Variants in VWC2 observed in about 807,000 individuals in gnomAD.
The protein encoded by VWC2 is brorin.
In VWC2, 14 loss-of-function variants were observed where a neutral mutation model predicts 29.8. The ratio of observed to expected loss-of-function variants is 0.47; its 90% CI spans 0.31 to 0.74. The LOEUF is 0.74. Ranked by LOEUF, VWC2 falls within the 30% of genes least tolerant of loss-of-function variation. VWC2 has a pLI of 0.05. For synonymous variants in VWC2, 213 were observed against 199.0 expected, an observed-to-expected ratio of 1.07 and a Z score of -0.59; for missense variants, 457 against 459.8, an observed-to-expected ratio of 0.99 and a Z score of 0.05.
chr7:49,827,380 C>A (rs542644823), intron 3 of VWC2, among the ~76,000 whole-genome samples: 53 of 16,184 alleles, frequency 3.3e-3, no homozygotes, highest in African/African-American at 0.01. Flanking sequence ...CATATTAATT[C>A]CAGGAAGTGC....
At chr7:49,839,949 G>A (rs1420122657) in intron 3 of VWC2, among the ~76,000 whole-genome samples, 1 of 152,200 alleles carries the variant, frequency 6.6e-6, no homozygotes, top group Non-Finnish European at 1.5e-5. Context: ...ATCAGATCAT[G>A]TTTTCCTAAA....
chr7:49,872,105 G>A (rs1791184793), intron 3 of VWC2, among the ~76,000 whole-genome samples: 1 of 152,062 alleles, frequency 6.6e-6, no homozygotes, highest in Non-Finnish European at 1.5e-5. Flanking sequence ...CTATGAAACA[G>A]AAACCTGTAG....
chr7:49,917,693 CTAAT>C lies in VWC2; in HGVS notation c.*5511_*5514del, dbSNP rs1231075001. ...AATATTTCTCAATTTTATTTGGTAT[CTAAT>C]TATATTAAGACCAACATATACATTA... On this transcript the variant is annotated 3_prime_UTR_variant, in exon 4 of 4. Transcript: ENST00000340652. 6.6e-6 allele frequency: 1 copy of C among 152,054 alleles called. No individual in the cohort carries two copies. Among genetic ancestry groups the C allele is most frequent in the Non-Finnish European group, 1.5e-5 (1 of 67,934 alleles). 9.4% of individuals were successfully genotyped at this position (152,054 alleles called of 1,614,324 possible).
chr7:49,854,430 T>C (rs1450595729), intron 3 of VWC2, among the ~76,000 whole-genome samples: 1 of 152,118 alleles, frequency 6.6e-6, no homozygotes, highest in Non-Finnish European at 1.5e-5. Flanking sequence ...TGGTATCTCA[T>C]TGTGGTTTTG....
At chr7:49,789,270 CGG>C (rs369799717) in intron 2 of VWC2, among the ~76,000 whole-genome samples, 10,320 of 117,680 alleles carry the variant, frequency 0.088, 1,061 homozygotes, top group African/African-American at 0.28. Context: ...TGTGTGTGAG[CGG>C]GTGTGTGTGA....
At chr7:49,829,241 G>C (rs1372945155) in intron 3 of VWC2, among the ~76,000 whole-genome samples, 1 of 152,176 alleles carries the variant, frequency 6.6e-6, no homozygotes, top group African/African-American at 2.4e-5. Flanking sequence ...TTTCTCTTTA[G>C]CAGTGCTTAG....
rs139778950 is a variant in VWC2 at position 49,914,851 on chromosome 7, G to T, written c.*2666G>T. ...GTTTGGAGATAGCACAGAAAAGGGG[G>T]CCTCAGAATTCAAGTATAGAAGTTC... is the stretch of plus-strand genomic sequence containing the variant. On this transcript the variant is annotated 3_prime_UTR_variant, in exon 4 of 4. Coordinates refer to ENST00000340652, the MANE Select transcript of VWC2 (RefSeq NM_198570.5). 8 of 152,212 alleles carry T rather than the reference G, an allele frequency of 5.3e-5. No individual in the cohort carries two copies. Among genetic ancestry groups the T allele is most frequent in the Non-Finnish European group, 1.2e-4 (8 of 67,998 alleles). The allele number at this position is 152,212 out of a possible 1,614,324, so 9.4% of individuals were successfully genotyped here. A position where few individuals can be genotyped will look rare whatever the true frequency, so the allele number is the denominator to read the frequency against.
intron 2 of VWC2, among the ~76,000 whole-genome samples, chr7:49,794,037 G>A (rs1788524598): frequency 6.6e-6 from 1 of 152,222 alleles, no homozygotes; most frequent in Non-Finnish European, 1.5e-5. Flanking sequence ...GGGCTAAGCA[G>A]AGCTGGCTGT....
intron 3 of VWC2, among the ~76,000 whole-genome samples, chr7:49,848,473 G>C (rs1790047107): frequency 6.6e-6 from 1 of 152,258 alleles, no homozygotes; most frequent in Non-Finnish European, 1.5e-5. Flanking sequence ...CACCTGCCCA[G>C]GGTCGGCTGT....
chr7:49,854,955 C>T (rs1790355009), intron 3 of VWC2, among the ~76,000 whole-genome samples: 1 of 152,154 alleles, frequency 6.6e-6, no homozygotes, highest in Non-Finnish European at 1.5e-5. Flanking sequence ...GAGGGGCTGA[C>T]AAATATGGCT....
chr7:49,859,788 GTGCACACACACACACACACACA>G (rs1790575771), intron 3 of VWC2, among the ~76,000 whole-genome samples: 2 of 148,404 alleles, frequency 1.3e-5, no homozygotes, highest in African/African-American at 5.0e-5. Flanking sequence ...GTGCGCGTGC[GTGCACACACACACACACACACA>G]CACACACACA....
At chr7:49,821,446 T>C (rs1350496703) in intron 3 of VWC2, among the ~76,000 whole-genome samples, 1 of 152,234 alleles carries the variant, frequency 6.6e-6, no homozygotes, top group African/African-American at 2.4e-5. Context: ...ATGAGAATTT[T>C]ACCCTAGATT....
At chr7:49,902,613 A>G (rs1043069226) in intron 3 of VWC2, among the ~76,000 whole-genome samples, 15 of 151,810 alleles carry the variant, frequency 9.9e-5, no homozygotes, top group African/African-American at 3.6e-4. Flanking sequence ...AATTTATCTC[A>G]GAATGGATCA....
At chr7:49,844,785 TG>T (rs1380333688) in intron 3 of VWC2, among the ~76,000 whole-genome samples, 1 of 152,130 alleles carries the variant, frequency 6.6e-6, no homozygotes, top group African/African-American at 2.4e-5. Context: ...CTCTGCCTCC[TG>T]GGTTCAAGCG....
rs1284142047 is a variant in VWC2, at chr7:49,804,363, C to T, written c.826+1523C>T. Among the ~76,000 whole-genome samples, 6 of 151,828 alleles carry T rather than the reference C, an allele frequency of 4.0e-5. No individual in the cohort carries two copies. The East Asian group carries it at 5.8e-4, about 15-fold the overall frequency. ...CTTTCAGCACACCCGCTGAGGAGCC[C>T]GAGTGAGCGCCTCTGGTCTGCTGGG... is the stretch of plus-strand genomic sequence containing the variant. On this transcript the variant is annotated intron_variant, in intron 3 of 3. Transcript: ENST00000340652.
rs1383688111 is a variant in VWC2 at position 49,775,946 on chromosome 7, C to A, written c.511C>A (p.Pro171Thr). 1 of 1,553,250 alleles carries A rather than the reference C, an allele frequency of 6.4e-7. No homozygotes were observed. The highest frequency in any genetic ancestry group is 8.7e-7 in the Non-Finnish European group (1 of 1,151,124). ...GTACGCGATCGGGGAGAAGTTCGCG[C>A]CGGGCCCCTCGGCCTGCCCGTGCCT... ...FVYAIGEKFA[P>T]GPSACPCLCT... Residue 171 changes from proline to threonine, a missense_variant, in exon 2 of 4, where the codon CCG becomes ACG. Around this residue, in one of 2 missense-constraint regions of VWC2, gnomAD observed 185 missense variants for 257.1 expected, o/e 0.72. Transcript: ENST00000340652.
At chr7:49,831,635 A>G (rs1338439614) in intron 3 of VWC2, among the ~76,000 whole-genome samples, 3 of 152,224 alleles carry the variant, frequency 2.0e-5, no homozygotes, top group Non-Finnish European at 2.9e-5. Flanking sequence ...ATTTCCAGGT[A>G]CTGGAGGTGG....
chr7:49,858,705 TAATA>T (rs1790528351), intron 3 of VWC2, among the ~76,000 whole-genome samples: 1 of 149,524 alleles, frequency 6.7e-6, no homozygotes. Flanking sequence ...AGTATAATAA[TAATA>T]AAAAAAAGAA....
In VWC2 at chr7:49,775,777, C is replaced by A; in HGVS notation, c.342C>A (p.Arg114=). 6.6e-7 allele frequency: 1 copy of A among 1,520,586 alleles called. No individual in the cohort carries two copies. Among genetic ancestry groups the A allele is most frequent in the Non-Finnish European group, 8.8e-7 (1 of 1,135,410 alleles). The allele number at this position is 1,520,586 out of a possible 1,614,324, so 94.2% of individuals were successfully genotyped here. A position where few individuals can be genotyped will look rare whatever the true frequency, so the allele number is the denominator to read the frequency against. Residue 114 remains arginine, a synonymous_variant, in exon 2 of 4, where the codon CGC becomes CGA. Coordinates refer to ENST00000340652, the MANE Select transcript of VWC2 (RefSeq NM_198570.5). ...CCGGGGATCTGCAGGTCCGGCCCCG[C>A]GGGGACACCCCGCAGGCGGAAGCCC... ...AKAGDLQVRP[R]GDTPQAEALA... is the part of the protein sequence containing the mutation.
Sources: gnomAD v4.1 joint callset for allele counts (sites outside exome capture counted in the v4.1 genomes callset) on GRCh38, gnomAD v4.1.1 for gene constraint, gnomAD v4.1.1 regional missense constraint, MANE v1.5 for transcripts, NCBI Gene and HGNC (gene_info 2026-07-23, HGNC 2026-07-21) for gene names.